SPOCK3: variants seen among roughly 807,000 people sequenced by gnomAD.
SPOCK3 encodes the protein testican-3.
A neutral mutation model predicts 56.6 loss-of-function variants in SPOCK3; 30 were observed. The ratio of observed to expected loss-of-function variants is 0.53; its 90% CI spans 0.40 to 0.72. The LOEUF is 0.72. SPOCK3 is among the 30% of genes least tolerant of loss of function. The pLI, the probability that SPOCK3 is intolerant of heterozygous loss-of-function variation, is 0.00. For synonymous variants in SPOCK3, 196 were observed against 183.3 expected (o/e 1.07, Z -0.56); for missense variants, 527 against 530.0 (o/e 0.99, Z 0.06).
At chr4:166,964,267 A>G (rs1212099155) in intron 4 of SPOCK3, among the ~76,000 whole-genome samples, 1 of 151,822 alleles carries the variant, frequency 6.6e-6, no homozygotes, top group African/African-American at 2.4e-5. Flanking sequence ...TCATTATTGC[A>G]TATGTTCTGA....
intron 3 of SPOCK3, among the ~76,000 whole-genome samples, chr4:167,021,403 G>A (rs1224853903): frequency 6.6e-6 from 1 of 151,998 alleles, no homozygotes; most frequent in East Asian, 1.9e-4. Context: ...AAAATCTTGT[G>A]ATAGCCCACC....
At chr4:166,874,343 T>C (rs184569279) in intron 6 of SPOCK3, among the ~76,000 whole-genome samples, 3 of 152,252 alleles carry the variant, frequency 2.0e-5, no homozygotes, top group East Asian at 1.9e-4. Context: ...CAAAGTCTCC[T>C]GTATGCTGCC....
intron 3 of SPOCK3, among the ~76,000 whole-genome samples, chr4:167,016,435 G>A (rs968318638): frequency 1.3e-5 from 2 of 152,018 alleles, no homozygotes; most frequent in East Asian, 1.9e-4. Flanking sequence ...GTAAATTTCC[G>A]TTGCACAATT....
At chr4:166,794,631 C>T (rs1325065767) in intron 6 of SPOCK3, among the ~76,000 whole-genome samples, 58 of 140,302 alleles carry the variant, frequency 4.1e-4, no homozygotes, top group Middle Eastern at 3.7e-3. Context: ...TTTTTTTTTT[C>T]TTTCTTTCTT....
At chr4:166,794,048 C>A (rs1741632778) in intron 6 of SPOCK3, among the ~76,000 whole-genome samples, 1 of 151,744 alleles carries the variant, frequency 6.6e-6, no homozygotes, top group South Asian at 2.1e-4. Context: ...CAGTGCAGAG[C>A]AAGATGGCAG....
At chr4:167,132,918 A>AGGGTT (rs1762820368) in intron 2 of SPOCK3, among the ~76,000 whole-genome samples, 1 of 152,156 alleles carries the variant, frequency 6.6e-6, no homozygotes, top group Non-Finnish European at 1.5e-5. Context: ...ATCTGCTAAA[A>AGGGTT]TCCTTTCTTC....
chr4:167,162,537 TAGAC>T (rs1218299195), intron 2 of SPOCK3, among the ~76,000 whole-genome samples: 6 of 152,098 alleles, frequency 3.9e-5, no homozygotes, highest in Non-Finnish European at 5.9e-5. Context: ...ACTGCTGTGT[TAGAC>T]AGCACAGAAT....
chr4:166,832,804 G>C (rs916136458), intron 6 of SPOCK3, among the ~76,000 whole-genome samples: 1 of 152,160 alleles, frequency 6.6e-6, no homozygotes, highest in African/African-American at 2.4e-5. Flanking sequence ...TGCAGGAACA[G>C]AAAACCAAAT....
At chr4:167,064,577 T>C (rs1755920769) in intron 2 of SPOCK3, among the ~76,000 whole-genome samples, 1 of 151,762 alleles carries the variant, frequency 6.6e-6, no homozygotes, top group Non-Finnish European at 1.5e-5. Flanking sequence ...CTATGATTCA[T>C]TCCAAGCATG....
At position 166,872,473 on chromosome 4, in the gene SPOCK3, T is replaced by C. The variant is rs566335376; in HGVS notation, c.589+16657A>G. ...ACATATGGGTATACACATAAACTTA[T>C]GTCCATACAAAAACCTGTACATGGA... is the stretch of plus-strand genomic sequence containing the variant. On this transcript the variant is annotated intron_variant, in intron 6 of 10. Coordinates refer to ENST00000357545, the MANE Select transcript of SPOCK3 (RefSeq NM_001040159.2). Among the ~76,000 whole-genome samples, 6 of 152,236 alleles carry C rather than the reference T, an allele frequency of 3.9e-5. No homozygotes were observed. In the East Asian group the frequency reaches 5.8e-4, roughly 15 times the overall value.
intron 7 of SPOCK3, among the ~76,000 whole-genome samples, chr4:166,780,203 A>G (rs1478826523): frequency 6.6e-6 from 1 of 152,206 alleles, no homozygotes; most frequent in Non-Finnish European, 1.5e-5. Context: ...TGTGCCTCCA[A>G]GAAAGGATGG....
rs145580071 is a variant in SPOCK3 at position 166,745,147 on chromosome 4, G to T, written c.932-3088C>A. On this transcript the variant is annotated intron_variant, in intron 8 of 10. Transcript: ENST00000357545. ...CAGGATATACAGAGAACACCACAAA[G>T]ACATTCCTCAAGAAGAGCAACCCCA... Among the ~76,000 whole-genome samples the T allele has an allele frequency of 3.2e-3, 493 of 152,186 alleles. 3 individuals are homozygous for T. The highest frequency in any genetic ancestry group is 0.011 in the African/African-American group (452 of 41,518).
At chr4:167,205,501 ATATTATATAATATATATTATATATAT>A (rs1265995898) in intron 2 of SPOCK3, among the ~76,000 whole-genome samples, 5 of 56,770 alleles carry the variant, frequency 8.8e-5, no homozygotes, top group Non-Finnish European at 1.2e-4. Context: ...TATATAATAT[ATATTATATAATATATATTATATATAT>A]TATTATATAA....
intron 2 of SPOCK3, among the ~76,000 whole-genome samples, chr4:167,143,236 A>C (rs889688611): frequency 6.6e-6 from 1 of 151,944 alleles, no homozygotes; most frequent in Non-Finnish European, 1.5e-5. Flanking sequence ...CCACATTCCT[A>C]CTGAATCATA....
intron 3 of SPOCK3, among the ~76,000 whole-genome samples, chr4:167,061,900 T>C (rs1429298676): frequency 6.6e-6 from 1 of 151,964 alleles, no homozygotes; most frequent in Non-Finnish European, 1.5e-5. Context: ...TGGGGCTTGA[T>C]GTGTCCATTC....
chr4:167,145,625 T>A (rs1763881501), intron 2 of SPOCK3, among the ~76,000 whole-genome samples: 1 of 151,894 alleles, frequency 6.6e-6, no homozygotes. Flanking sequence ...GGTATTTCAA[T>A]GTAGAAAGAA....
intron 3 of SPOCK3, among the ~76,000 whole-genome samples, chr4:167,048,541 C>T (rs530149835): frequency 3.3e-5 from 5 of 152,064 alleles, no homozygotes; most frequent in Non-Finnish European, 7.4e-5. Context: ...TAGGAAATAG[C>T]ATTTCCTTCC....
chr4:167,188,197 A>T (rs1732182901), intron 2 of SPOCK3, among the ~76,000 whole-genome samples: 1 of 146,332 alleles, frequency 6.8e-6, no homozygotes, highest in Non-Finnish European at 1.5e-5. Flanking sequence ...TCAGCTAAAC[A>T]GCCCGCTGTA....
intron 7 of SPOCK3, among the ~76,000 whole-genome samples, chr4:166,770,754 C>T (rs1738826972): frequency 6.6e-6 from 1 of 152,024 alleles, no homozygotes; most frequent in Non-Finnish European, 1.5e-5. Flanking sequence ...ATGTCAAACT[C>T]AATGCTATGC....
Sources: allele counts gnomAD v4.1 joint callset (sites outside exome capture counted in the v4.1 genomes callset), GRCh38; gene constraint gnomAD v4.1.1; transcripts MANE v1.5; gene names NCBI Gene and HGNC (gene_info 2026-07-23, HGNC 2026-07-21).